The following SYNPO2L variants were observed in gnomAD, a reference collection of about 807,000 sequenced individuals.
The protein encoded by SYNPO2L is synaptopodin 2-like protein.
In SYNPO2L, 34 loss-of-function variants were observed where a neutral mutation model predicts 47.5. The observed-to-expected ratio is 0.72, with a 90% CI of 0.54 to 0.95. SYNPO2L has a LOEUF of 0.95. Among genes scored for constraint, SYNPO2L ranks in the 40% least tolerant of loss-of-function variants. The pLI is 0.00. For synonymous variants in SYNPO2L, 536 were observed against 524.9 expected (o/e 1.02, Z -0.29); for missense variants, 1,246 against 1,282.0 (o/e 0.97, Z 0.43).
chr10:73,654,422 T>C (rs2081863936), intron 1 of SYNPO2L, 142 bp from the exon 2 acceptor site: 3 of 1,013,374 alleles, frequency 3.0e-6, no homozygotes, highest in African/African-American at 1.6e-5. Flanking sequence ...GTGGCTGCAG[T>C]TGAAGTGGCC....
At chr10:73,653,710 G>T in intron 2 of SYNPO2L, 57 bp from the exon 3 acceptor site, 1 of 1,473,696 alleles carries the variant, frequency 6.8e-7, no homozygotes, top group Non-Finnish European at 9.0e-7. Flanking sequence ...CAGCTAGAGA[G>T]ATCTGGAAGG....
In SYNPO2L at chr10:73,645,357, T is replaced by A. The variant is rs114598671; in HGVS notation, c.*1361A>T. ...TTTACCTTCTCCCAATATGGCATTG[T>A]CCCTCGCCACACTTCTGTCTGTGGC... is the stretch of plus-strand genomic sequence containing the variant. On this transcript the variant is annotated 3_prime_UTR_variant, in exon 4 of 4. Transcript: ENST00000394810. 1,502 of 1,044,650 alleles carry A rather than the reference T, an allele frequency of 1.4e-3. 9 individuals are homozygous for A. In the African/African-American group the frequency reaches 0.025, roughly 17 times the overall value. The allele number at this position is 1,044,650 out of a possible 1,614,324, so 64.7% of individuals were successfully genotyped here.
At position 73,647,543 on chromosome 10, in the gene SYNPO2L, A is replaced by G; in HGVS notation, c.2109T>C (p.Pro703=). 6.2e-7 allele frequency: 1 copy of G among 1,600,386 alleles called. No individual in the cohort carries two copies. Among genetic ancestry groups the G allele is most frequent in the Non-Finnish European group, 8.5e-7 (1 of 1,171,198 alleles). The stretch of plus-strand genomic sequence containing the variant: ...TGGGAGCCATTGGAGGGGGGGTCTT[A>G]GGTGTCACGTGAGGCAGGGTCTTGT... The part of the protein sequence containing the change: ...RSYKTLPHVT[P]KTPPPMAPKT... The change falls in exon 4 of 4, where the codon CCT becomes CCC. Residue 703 remains proline, a synonymous_variant. Coordinates refer to ENST00000394810, the MANE Select transcript of SYNPO2L (RefSeq NM_001114133.3).
intron 1 of SYNPO2L, among the ~76,000 whole-genome samples, chr10:73,654,519 G>T (rs1322027838): frequency 6.6e-6 from 1 of 152,156 alleles, no homozygotes; most frequent in Non-Finnish European, 1.5e-5. Context: ...AAAGAGGCTT[G>T]GGAAGAACTG....
Position 73,646,439 on chromosome 10 carries a change from A to C in SYNPO2L, c.*279T>G. 3.5e-6 allele frequency: 4 copies of C among 1,145,488 alleles called. No individual in the cohort carries two copies. Among genetic ancestry groups the C allele is most frequent in the East Asian group, 4.5e-5 (1 of 22,436 alleles). 71.0% of individuals were successfully genotyped at this position (1,145,488 alleles called of 1,614,324 possible). A position where few individuals can be genotyped will look rare whatever the true frequency, so the allele number is the denominator to read the frequency against. ...TCAAGGAAGAGAGATCTGTGGAGGA[A>C]TATGGGTGGAGAAGCCTGGAAATAA... On this transcript the variant is annotated 3_prime_UTR_variant, in exon 4 of 4. Coordinates refer to ENST00000394810, the MANE Select transcript of SYNPO2L (RefSeq NM_001114133.3).
At position 73,648,336 on chromosome 10, in the gene SYNPO2L, G is replaced by A; in HGVS notation, c.1316C>T (p.Pro439Leu). The A allele has an allele frequency of 6.2e-7, 1 of 1,604,988 alleles. No individual in the cohort carries two copies. Among genetic ancestry groups the A allele is most frequent in the Non-Finnish European group, 8.5e-7 (1 of 1,178,980 alleles). Reference protein sequence around the residue: ...PPEAAVLPPSPLPAPVASPRP... With the variant: ...PPEAAVLPPSLLPAPVASPRP... The stretch of plus-strand genomic sequence containing the variant: ...GGGGCTGGCTACAGGCGCCGGCAAG[G>A]GGCTGGGTGGGAGCACAGCTGCCTC... The change falls in exon 4 of 4, where the codon CCC becomes CTC. Residue 439 changes from proline to leucine, a missense_variant. Around this residue, in one of 3 missense-constraint regions of SYNPO2L, gnomAD observed 1,037 missense variants for 1,021.5 expected, o/e 1.02. Transcript: ENST00000394810.
Position 73,647,045 on chromosome 10 carries a change from C to CG in SYNPO2L, c.2606dup (p.Thr870AspfsTer48). 2.5e-6 allele frequency: 4 copies of CG among 1,613,866 alleles called. No individual in the cohort carries two copies. The highest frequency in any genetic ancestry group is 2.5e-6 in the Non-Finnish European group (3 of 1,179,908). ...ACCCTGAGGCGATAGGGCCAGGAGTCGGGGGAACCTCATCAAAACAGAACA... is the reference window on the plus strand; with the variant it reads ...ACCCTGAGGCGATAGGGCCAGGAGTCGGGGGGAACCTCATCAAAACAGAACA... On this transcript the variant is annotated frameshift_variant, in exon 4 of 4. Coordinates refer to ENST00000394810, the MANE Select transcript of SYNPO2L (RefSeq NM_001114133.3). LOFTEE classifies it high-confidence loss of function.
rs1269909625 is a variant in SYNPO2L, at chr10:73,645,755, C to T, written c.*963G>A. On this transcript the variant is annotated 3_prime_UTR_variant, in exon 4 of 4. Coordinates refer to ENST00000394810, the MANE Select transcript of SYNPO2L (RefSeq NM_001114133.3). ...GTTATTCTCTAGTGAATCTCTTTCT[C>T]CCACTCAACTCCATGTGGGGATATC... 1.0e-6 allele frequency: 1 copy of T among 985,712 alleles called. No individual in the cohort carries two copies. The highest frequency in any genetic ancestry group is 1.1e-4 in the East Asian group (1 of 8,820). 61.1% of individuals were successfully genotyped at this position (985,712 alleles called of 1,614,324 possible).
At position 73,655,901 on chromosome 10, in the gene SYNPO2L, G is replaced by A. The variant is rs1409419692; in HGVS notation, c.22C>T (p.Leu8=). ...GGGGCTCCCCCTGATAGTGTGACCA[G>A]CACCTCCTCCTCAGCACCCATCGCT... The part of the protein sequence containing the change: MGAEEEV[L]VTLSGGAPWG... The change falls in exon 1 of 4, where the codon CTG becomes TTG. Residue 8 remains leucine (L), a synonymous_variant. Transcript: ENST00000394810. The A allele has an allele frequency of 1.9e-6, 3 of 1,551,086 alleles. No individual in the cohort carries two copies. In the Admixed American group the frequency reaches 5.9e-5, roughly 30 times the overall value.
Position 73,647,450 on chromosome 10 carries a change from G to C in SYNPO2L, c.2202C>G (p.Leu734=). 1 of 1,604,850 alleles carries C rather than the reference G, an allele frequency of 6.2e-7. No homozygotes were observed. Among genetic ancestry groups the C allele is most frequent in the Non-Finnish European group, 8.5e-7 (1 of 1,173,590 alleles). The part of the protein sequence containing the change: ...PVAPKPPSRG[L]LDGLVNGAAS... ...CTGCCCCATTCACGAGCCCATCAAG[G>C]AGCCCTCGAGATGGGGGCTTAGGAG... Residue 734 remains leucine (L), a synonymous_variant, in exon 4 of 4, where the codon CTC becomes CTG. Transcript: ENST00000394810.
Position 73,646,966 on chromosome 10 carries a change from G to T in SYNPO2L, c.2686C>A (p.Gln896Lys), listed in dbSNP as rs2081760412. 2 of 1,610,912 alleles carry T rather than the reference G, an allele frequency of 1.2e-6. No homozygotes were observed. Among genetic ancestry groups the T allele is most frequent in the Non-Finnish European group, 1.7e-6 (2 of 1,178,020 alleles). The change falls in exon 4 of 4, where the codon CAG becomes AAG. Residue 896 changes from glutamine to lysine, a missense_variant. Around this residue, in one of 3 missense-constraint regions of SYNPO2L, gnomAD observed 1,037 missense variants for 1,021.5 expected, o/e 1.02. Transcript: ENST00000394810. ...GGAGCCAGGGGTTCTGCAGTGGGCT[G>T]GGGTGCCGGAGTGGAAAACCGGCGA... ...EIRRFSTPAP[Q>K]PTAEPLAPTV...
Position 73,647,103 on chromosome 10 carries a change from A to G in SYNPO2L, c.2549T>C (p.Met850Thr). 1.9e-6 allele frequency: 3 copies of G among 1,613,558 alleles called. No individual in the cohort carries two copies. Among genetic ancestry groups the G allele is most frequent in the South Asian group, 1.1e-5 (1 of 91,056 alleles). The change falls in exon 4 of 4, where the codon ATG (methionine) becomes ACG (threonine). Residue 850 changes from methionine (M) to threonine (T), a missense_variant. Met to Thr is a moderately conservative substitution (Grantham distance 81, BLOSUM62 -1). This residue lies in a region of SYNPO2L where 1,037 missense variants were observed against 1,021.5 expected (regional missense o/e 1.02). Coordinates refer to ENST00000394810, the MANE Select transcript of SYNPO2L (RefSeq NM_001114133.3). ...PKQGIKALDF[M>T]RHQPYQLKTA... is the part of the protein sequence containing the mutation. ...TTTAAGTTGATAGGGCTGATGCCGCATAAAATCTAGAGCCTTGATGCCCTG... is the reference window on the plus strand; with the variant it reads ...TTTAAGTTGATAGGGCTGATGCCGCGTAAAATCTAGAGCCTTGATGCCCTG...
At chr10:73,650,870 C>A in intron 3 of SYNPO2L, 2 of 1,561,316 alleles carry the variant, frequency 1.3e-6, no homozygotes, top group African/African-American at 1.4e-5. Context: ...CCCCTCCATT[C>A]TAGACCCCAG....
Position 73,646,101 on chromosome 10 carries a change from G to T in SYNPO2L, c.*617C>A. ...GGCCTCCCAAAGTGCTGGGATTACC[G>T]GCGTGAGCCACCGTGCCCGGCCTCA... On this transcript the variant is annotated 3_prime_UTR_variant, in exon 4 of 4. Coordinates refer to ENST00000394810, the MANE Select transcript of SYNPO2L (RefSeq NM_001114133.3). 2.0e-6 allele frequency: 2 copies of T among 985,390 alleles called. No individual in the cohort carries two copies. The highest frequency in any genetic ancestry group is 2.4e-6 in the Non-Finnish European group (2 of 830,148). The allele number at this position is 985,390 out of a possible 1,614,324, so 61.0% of individuals were successfully genotyped here. A position where few individuals can be genotyped will look rare whatever the true frequency, so the allele number is the denominator to read the frequency against.
intron 3 of SYNPO2L, chr10:73,650,785 G>A: frequency 4.5e-6 from 6 of 1,344,450 alleles, no homozygotes; most frequent in Non-Finnish European, 4.8e-6. Context: ...GAGAAAAGGA[G>A]GAAGAGGACA....
chr10:73,655,739 C>A, intron 1 of SYNPO2L, 79 bp downstream of exon 1: 1 of 601,426 alleles, frequency 1.7e-6, no homozygotes, highest in Non-Finnish European at 2.8e-6. Context: ...CAACCCCCGC[C>A]ATATGCCACC....
In SYNPO2L at chr10:73,645,108, C is replaced by T; in HGVS notation, c.*1610G>A. On this transcript the variant is annotated 3_prime_UTR_variant, in exon 4 of 4. Transcript: ENST00000394810. Reference sequence around the variant, plus strand: ...GTGGGACTGAAAGGAGGTTTTGGCTCTGGGTATTTCCCTACTCTTTCCCAG... The same window carrying T: ...GTGGGACTGAAAGGAGGTTTTGGCTTTGGGTATTTCCCTACTCTTTCCCAG... 8.1e-7 allele frequency: 1 copy of T among 1,235,356 alleles called. No individual in the cohort carries two copies. Among genetic ancestry groups the T allele is most frequent in the South Asian group, 1.4e-5 (1 of 69,468 alleles). The allele number at this position is 1,235,356 out of a possible 1,614,324, so 76.5% of individuals were successfully genotyped here.
In SYNPO2L at chr10:73,646,091, T is replaced by C. The variant is rs1266537184; in HGVS notation, c.*627A>G. On this transcript the variant is annotated 3_prime_UTR_variant, in exon 4 of 4. Transcript: ENST00000394810. ...CGCCCGCCTCGGCCTCCCAAAGTGCTGGGATTACCGGCGTGAGCCACCGTG... is the reference window on the plus strand; with the variant it reads ...CGCCCGCCTCGGCCTCCCAAAGTGCCGGGATTACCGGCGTGAGCCACCGTG... 2.8e-5 allele frequency: 28 copies of C among 985,358 alleles called. No homozygotes were observed. The highest frequency in any genetic ancestry group is 3.4e-5 in the Non-Finnish European group (28 of 830,028). The allele number at this position is 985,358 out of a possible 1,614,324, so 61.0% of individuals were successfully genotyped here. A position where few individuals can be genotyped will look rare whatever the true frequency, so the allele number is the denominator to read the frequency against.
In SYNPO2L at chr10:73,645,860, C is replaced by A. The variant is rs373158284; in HGVS notation, c.*858G>T. On this transcript the variant is annotated 3_prime_UTR_variant, in exon 4 of 4. Transcript: ENST00000394810. ...TTTGTTTTGAGACAGAGTCTCGCTC[C>A]GTCGCCCAGGCTGGAGTGCAGTGGC... 7 of 985,446 alleles carry A rather than the reference C, an allele frequency of 7.1e-6. No homozygotes were observed. The East Asian group carries it at 3.4e-4, about 48-fold the overall frequency. The allele number at this position is 985,446 out of a possible 1,614,324, so 61.0% of individuals were successfully genotyped here.
Sources: gnomAD v4.1 joint callset for allele counts (sites outside exome capture counted in the v4.1 genomes callset) on GRCh38, gnomAD v4.1.1 for gene constraint, gnomAD v4.1.1 regional missense constraint, MANE v1.5 for transcripts, NCBI Gene and HGNC (gene_info 2026-07-23, HGNC 2026-07-21) for gene names.